NTM: variants seen among roughly 807,000 people sequenced by gnomAD.
NTM encodes IgLON family member 2.
A neutral mutation model predicts 42.1 loss-of-function variants in NTM; 13 were observed. That is an observed-to-expected ratio of 0.31 (90% CI 0.20 to 0.49). The LOEUF (loss-of-function observed/expected upper bound fraction) is 0.49, where lower values mean the gene tolerates loss of function less well. Ranked by LOEUF, NTM falls within the 20% of genes least tolerant of loss-of-function variation. NTM has a pLI of 0.99. For synonymous variants in NTM, 187 were observed against 179.2 expected (o/e 1.04, Z -0.35); for missense variants, 373 against 452.8 (o/e 0.82, Z 1.60).
At chr11:131,858,397 T>C (rs2046312596) in intron 1 of NTM, among the ~76,000 whole-genome samples, 2 of 151,800 alleles carry the variant, frequency 1.3e-5, no homozygotes, top group African/African-American at 4.8e-5. Flanking sequence ...GTTTCCCCAG[T>C]TGGGCTAAGA....
chr11:131,580,379 G>A (rs1309745106), intron 1 of NTM, among the ~76,000 whole-genome samples: 1 of 152,104 alleles, frequency 6.6e-6, no homozygotes, highest in Non-Finnish European at 1.5e-5. Context: ...TCAGTACTGT[G>A]AGGCCACTGA....
intron 2 of NTM, among the ~76,000 whole-genome samples, chr11:132,114,463 T>G (rs2063615819): frequency 6.6e-6 from 1 of 152,182 alleles, no homozygotes; most frequent in South Asian, 2.1e-4. Context: ...GGGAAGCTAC[T>G]CAGACTATGA....
At chr11:131,484,521 A>AG (rs1270675555) in intron 1 of NTM, among the ~76,000 whole-genome samples, 1 of 152,146 alleles carries the variant, frequency 6.6e-6, no homozygotes, top group African/African-American at 2.4e-5. Flanking sequence ...GAGACAGCTG[A>AG]GGGGGCTGAG....
chr11:132,249,287 G>A (rs58936954), intron 4 of NTM, among the ~76,000 whole-genome samples: 2,737 of 152,246 alleles, frequency 0.018, 89 homozygotes, highest in African/African-American at 0.061. Flanking sequence ...GGGTGTGTGT[G>A]TATGTGTGTG....
chr11:132,179,313 A>G (rs1195439250), intron 3 of NTM, among the ~76,000 whole-genome samples: 2 of 152,170 alleles, frequency 1.3e-5, no homozygotes, highest in African/African-American at 2.4e-5. Flanking sequence ...ACCCTAATGG[A>G]TGCACAAGAG....
intron 4 of NTM, among the ~76,000 whole-genome samples, chr11:132,239,186 C>T (rs553754024): frequency 6.6e-6 from 1 of 152,284 alleles, no homozygotes; most frequent in East Asian, 1.9e-4. Context: ...TAAGAAATTA[C>T]TTTTATATTA....
At chr11:132,051,375 G>A (rs964233303) in intron 2 of NTM, among the ~76,000 whole-genome samples, 1 of 152,158 alleles carries the variant, frequency 6.6e-6, no homozygotes, top group South Asian at 2.1e-4. Flanking sequence ...TAAAGTCAGG[G>A]TTCAGAATGA....
intron 1 of NTM, among the ~76,000 whole-genome samples, chr11:131,570,535 A>C (rs558659176): frequency 1.3e-5 from 2 of 152,322 alleles, no homozygotes; most frequent in African/African-American, 2.4e-5. Flanking sequence ...ATAATAATTC[A>C]AAAACAAGGC....
chr11:131,664,598 G>GCC (rs1392500671), intron 1 of NTM, among the ~76,000 whole-genome samples: 2 of 151,962 alleles, frequency 1.3e-5, no homozygotes, highest in East Asian at 3.9e-4. Context: ...ATGAACACGC[G>GCC]CCATACGTTG....
At chr11:132,154,232 C>T (rs1341317759) in intron 3 of NTM, among the ~76,000 whole-genome samples, 2 of 152,112 alleles carry the variant, frequency 1.3e-5, no homozygotes, top group South Asian at 2.1e-4. Context: ...TACTTTCTTT[C>T]ACAAGGAAGT....
At chr11:132,242,233 ATCTT>A (rs1337922391) in intron 4 of NTM, among the ~76,000 whole-genome samples, 1 of 152,122 alleles carries the variant, frequency 6.6e-6, no homozygotes, top group Non-Finnish European at 1.5e-5. Flanking sequence ...TTGCATTATC[ATCTT>A]TCTTTATCCG....
At chr11:131,789,604 GAA>G (rs2090392709) in intron 1 of NTM, among the ~76,000 whole-genome samples, 1 of 83,842 alleles carries the variant, frequency 1.2e-5, no homozygotes, top group African/African-American at 5.5e-5. Context: ...AGAAGAAGAA[GAA>G]GAAGAAGAAG....
intron 3 of NTM, among the ~76,000 whole-genome samples, chr11:132,167,350 G>A (rs1241239022): frequency 1.3e-5 from 2 of 151,200 alleles, no homozygotes; most frequent in East Asian, 3.9e-4. Flanking sequence ...ACAGGTGTGA[G>A]CCACCATGCC....
chr11:132,334,783 A>G (rs1015189001), intron 8 of NTM, among the ~76,000 whole-genome samples: 1 of 151,788 alleles, frequency 6.6e-6, no homozygotes, highest in Non-Finnish European at 1.5e-5. Context: ...GTTATGACAC[A>G]GTAAGGAAGA....
At chr11:132,017,309 G>T (rs2073595692) in intron 2 of NTM, among the ~76,000 whole-genome samples, 1 of 151,872 alleles carries the variant, frequency 6.6e-6, no homozygotes. Context: ...TGGGTTTTGT[G>T]TTTGACATGA....
At chr11:132,219,422 G>A (rs947255525) in intron 4 of NTM, among the ~76,000 whole-genome samples, 2 of 152,054 alleles carry the variant, frequency 1.3e-5, no homozygotes, top group African/African-American at 4.8e-5. Flanking sequence ...TTGGGGTCTT[G>A]TAAATGATTG....
chr11:131,698,261 A>G (rs1328420457), intron 1 of NTM, among the ~76,000 whole-genome samples: 1 of 152,142 alleles, frequency 6.6e-6, no homozygotes, highest in Non-Finnish European at 1.5e-5. Flanking sequence ...CCTAGGGCAC[A>G]GGAACAGAAG....
At chr11:131,979,423 C>T (rs991023487) in intron 2 of NTM, among the ~76,000 whole-genome samples, 4 of 152,252 alleles carry the variant, frequency 2.6e-5, no homozygotes, top group Admixed American at 2.0e-4. Context: ...AGTTTACATT[C>T]GCAACATTTA....
At position 132,134,749 on chromosome 11, in the gene NTM, A is replaced by ATC. The variant is rs1289812194; in HGVS notation, c.168-11532_168-11531insCT. 1.6e-3 allele frequency among the ~76,000 whole-genome samples: 174 copies of ATC among 106,930 alleles called. 6 individuals carry two copies. Among genetic ancestry groups the ATC allele is most frequent in the South Asian group, 3.5e-3 (11 of 3,156 alleles). The allele number at this position is 106,930 out of a possible 152,430, so 70.2% of individuals were successfully genotyped here. On this transcript the variant is annotated intron_variant, in intron 2 of 8. Transcript: ENST00000683400. ...TATATATATATATATATATATATAT[A>ATC]TATATATATATCTCACATTTTCTTT...
Sources: allele counts gnomAD v4.1 joint callset (sites outside exome capture counted in the v4.1 genomes callset), GRCh38; gene constraint gnomAD v4.1.1; transcripts MANE v1.5; gene names NCBI Gene and HGNC (gene_info 2026-07-23, HGNC 2026-07-21).